The following MACROD2 variants were observed in gnomAD, a reference collection of about 807,000 sequenced individuals.
MACROD2 encodes mono-ADP ribosylhydrolase 2, also known as ADP-ribose glycohydrolase MACROD2.
MACROD2 carries 36 observed loss-of-function variants against 70.4 expected under a neutral mutation model. The observed-to-expected ratio is 0.51, with a 90% CI of 0.39 to 0.68. The LOEUF (loss-of-function observed/expected upper bound fraction) is 0.68, where lower values mean the gene tolerates loss of function less well. Ranked by LOEUF, MACROD2 falls within the 30% of genes least tolerant of loss-of-function variation. The pLI is 0.00. For missense variants in MACROD2, 496 were observed against 538.4 expected (o/e 0.92, Z 0.78); for synonymous variants, 172 against 178.8 (o/e 0.96, Z 0.30).
chr20:15,690,036 G>A (rs573721594), intron 8 of MACROD2, among the ~76,000 whole-genome samples: 3 of 152,312 alleles, frequency 2.0e-5, no homozygotes, highest in African/African-American at 7.2e-5. Context: ...AGTTGTGAGT[G>A]CAATGAAAAA....
chr20:15,663,866 A>G (rs1216471723), intron 8 of MACROD2, among the ~76,000 whole-genome samples: 1 of 152,162 alleles, frequency 6.6e-6, no homozygotes, highest in Non-Finnish European at 1.5e-5. Context: ...ACCAACTGCA[A>G]AAACAGAAGT....
At chr20:14,318,067 T>A (rs982999377) in intron 3 of MACROD2, among the ~76,000 whole-genome samples, 1 of 152,150 alleles carries the variant, frequency 6.6e-6, no homozygotes, top group Non-Finnish European at 1.5e-5. Context: ...TTAACATTGA[T>A]CCCCATATTA....
At chr20:14,770,530 T>C (rs2072151529) in intron 5 of MACROD2, among the ~76,000 whole-genome samples, 1 of 152,126 alleles carries the variant, frequency 6.6e-6, no homozygotes, top group Non-Finnish European at 1.5e-5. Context: ...GACTAATCTC[T>C]ACATTTTTAG....
intron 5 of MACROD2, among the ~76,000 whole-genome samples, chr20:14,749,700 T>A (rs1600623232): frequency 6.6e-6 from 1 of 152,268 alleles, no homozygotes; most frequent in South Asian, 2.1e-4. Flanking sequence ...CTTTCTCAAA[T>A]AATGACTTCA....
chr20:14,241,072 C>A lies in MACROD2; in HGVS notation c.271+155344C>A, dbSNP rs556508482. Among the ~76,000 whole-genome samples the A allele has an allele frequency of 3.9e-5, 6 of 152,132 alleles. No homozygotes were observed. The East Asian group carries it at 7.8e-4, about 20-fold the overall frequency. ...CGGAGGTTGCAGTGAGCCGAGATTG[C>A]ATCACTGCACTTCAGCCTGGGTGAC... On this transcript the variant is annotated intron_variant, in intron 3 of 17. Coordinates refer to ENST00000684519, the MANE Select transcript of MACROD2 (RefSeq NM_001351661.2).
At chr20:16,014,558 A>G (rs1490388382) in intron 15 of MACROD2, among the ~76,000 whole-genome samples, 2 of 152,198 alleles carry the variant, frequency 1.3e-5, no homozygotes, top group East Asian at 3.9e-4. Flanking sequence ...GTTCCACTAC[A>G]GAGTCTGTGT....
chr20:14,809,650 TC>T (rs2054307684), intron 5 of MACROD2, among the ~76,000 whole-genome samples: 1 of 151,904 alleles, frequency 6.6e-6, no homozygotes, highest in African/African-American at 2.4e-5. Context: ...ATCCAGGAGC[TC>T]ATTTTTTTGA....
intron 3 of MACROD2, among the ~76,000 whole-genome samples, chr20:14,196,757 T>G (rs752431595): frequency 4.6e-5 from 7 of 152,218 alleles, no homozygotes; most frequent in Non-Finnish European, 8.8e-5. Flanking sequence ...TCTATTTGGG[T>G]CTCCTCTTTC....
chr20:15,407,053 G>T (rs1357200452), intron 6 of MACROD2, among the ~76,000 whole-genome samples: 1 of 152,176 alleles, frequency 6.6e-6, no homozygotes, highest in East Asian at 1.9e-4. Flanking sequence ...CCAAGTGACT[G>T]GTTCCGAGTC....
chr20:14,667,187 T>C (rs1021773769), intron 4 of MACROD2, among the ~76,000 whole-genome samples: 5 of 152,098 alleles, frequency 3.3e-5, no homozygotes, highest in African/African-American at 1.2e-4. Context: ...GTCTATCTCT[T>C]GTGATCATTC....
intron 4 of MACROD2, among the ~76,000 whole-genome samples, chr20:14,564,296 G>C (rs1979632160): frequency 6.6e-6 from 1 of 151,800 alleles, no homozygotes; most frequent in East Asian, 1.9e-4. Context: ...CATAGACAAA[G>C]AGTTTATGAC....
At chr20:15,775,774 C>A (rs966538288) in intron 8 of MACROD2, among the ~76,000 whole-genome samples, 1 of 152,078 alleles carries the variant, frequency 6.6e-6, no homozygotes, top group Non-Finnish European at 1.5e-5. Flanking sequence ...GCAGACAAGA[C>A]CACCCTTGAA....
At position 14,516,476 on chromosome 20, in the gene MACROD2, G is replaced by T. The variant is rs1312758137; in HGVS notation, c.301+22968G>T. ...TTTAATCCATCTTGAGTTAATTTTT[G>T]TATAAGGTGTAAGGAAGAGGTCCAA... On this transcript the variant is annotated intron_variant, in intron 4 of 17. Transcript: ENST00000684519. Among the ~76,000 whole-genome samples, 7 of 152,114 alleles carry T rather than the reference G, an allele frequency of 4.6e-5. No homozygotes were observed. The East Asian group carries it at 1.3e-3, about 29-fold the overall frequency.
intron 5 of MACROD2, among the ~76,000 whole-genome samples, chr20:14,992,820 A>G (rs1173178657): frequency 4.7e-5 from 7 of 150,522 alleles, no homozygotes; most frequent in African/African-American, 1.5e-4. Flanking sequence ...TCAGATTTGA[A>G]AAGCCTTTTT....
chr20:14,975,928 T>C (rs1220865236), intron 5 of MACROD2, among the ~76,000 whole-genome samples: 2 of 151,898 alleles, frequency 1.3e-5, no homozygotes, highest in Non-Finnish European at 2.9e-5. Context: ...TGACAGGAGG[T>C]GGATTACAGT....
At chr20:14,307,872 A>G (rs956866011) in intron 3 of MACROD2, among the ~76,000 whole-genome samples, 2 of 152,104 alleles carry the variant, frequency 1.3e-5, no homozygotes, top group South Asian at 4.1e-4. Flanking sequence ...TAGTGGAAGT[A>G]TGGGGTTATT....
intron 4 of MACROD2, among the ~76,000 whole-genome samples, chr20:14,681,895 A>G (rs2123588533): frequency 6.6e-6 from 1 of 152,314 alleles, no homozygotes; most frequent in South Asian, 2.1e-4. Flanking sequence ...TCACGTCGTG[A>G]GTACTTTGTG....
rs1486631012 is a variant in MACROD2, at chr20:15,512,514, C to T, written c.645+12667C>T. Reference sequence around the variant, plus strand: ...AGATTTGAAAATAAAGCCAACAGGGCTATCTCATGGATCTTATGTAATTAT... The same window carrying T: ...AGATTTGAAAATAAAGCCAACAGGGTTATCTCATGGATCTTATGTAATTAT... On this transcript the variant is annotated intron_variant, in intron 8 of 17. Coordinates refer to ENST00000684519, the MANE Select transcript of MACROD2 (RefSeq NM_001351661.2). Among the ~76,000 whole-genome samples, 4 of 152,168 alleles carry T rather than the reference C, an allele frequency of 2.6e-5. No homozygotes were observed. In the East Asian group the frequency reaches 5.8e-4, roughly 22 times the overall value.
chr20:15,912,391 C>G (rs2065250222), intron 10 of MACROD2, among the ~76,000 whole-genome samples: 1 of 152,142 alleles, frequency 6.6e-6, no homozygotes, highest in African/African-American at 2.4e-5. Context: ...ATAACTAGTG[C>G]CTTGCAGTGT....
Sources: gnomAD v4.1 joint callset for allele counts (sites outside exome capture counted in the v4.1 genomes callset) on GRCh38, gnomAD v4.1.1 for gene constraint, MANE v1.5 for transcripts, NCBI Gene and HGNC (gene_info 2026-07-23, HGNC 2026-07-21) for gene names.